The following NRL variants were observed in gnomAD, a reference collection of about 807,000 sequenced individuals.
NRL encodes the protein neural retina leucine zipper, also known as neural retina-specific leucine zipper protein.
In NRL, 16 loss-of-function variants were observed where a neutral mutation model predicts 12.5. That is an observed-to-expected ratio of 1.28 (90% CI 0.87 to 1.95). The LOEUF (loss-of-function observed/expected upper bound fraction) is 1.95. NRL is among the 30% of genes most tolerant of loss of function. NRL has a pLI of 0.00. For missense variants in NRL, 314 were observed against 325.8 expected, an observed-to-expected ratio of 0.96 and a Z score of 0.28; for synonymous variants, 142 against 150.9, an observed-to-expected ratio of 0.94 and a Z score of 0.43.
In NRL at chr14:24,100,245, T is replaced by C. The variant is rs746654463; in HGVS notation, c.-28+14477A>G. 46 of 1,611,586 alleles carry C rather than the reference T, an allele frequency of 2.9e-5. 1 individual carries two copies. The South Asian group carries it at 4.7e-4, about 17-fold the overall frequency. On this transcript the variant is annotated intron_variant, in intron 1 of 2. Coordinates refer to ENST00000561028, the MANE Select transcript of NRL (RefSeq NM_001354768.3). ...GCGGTGGGGAAGGTGTGGCACAGCC[T>C]CCAGGCCTCAGCACCTTAATGGTGG...
Position 24,080,907 on chromosome 14 carries a change from C to G in NRL, c.*329G>C, listed in dbSNP as rs1343557422. 1 of 280,672 alleles carries G rather than the reference C, an allele frequency of 3.6e-6. No homozygotes were observed. Among genetic ancestry groups the G allele is most frequent in the Non-Finnish European group, 6.6e-6 (1 of 150,642 alleles). 17.4% of individuals were successfully genotyped at this position (280,672 alleles called of 1,614,324 possible). On this transcript the variant is annotated 3_prime_UTR_variant, in exon 3 of 3. Transcript: ENST00000561028. ...ATTAAAAACTAAACTGAGGTGGGAG[C>G]TGCAACCCTCCTCCACCTCCCATTC...
chr14:24,100,011 C>T, intron 1 of NRL: 3 of 1,614,200 alleles, frequency 1.9e-6, no homozygotes, highest in Non-Finnish European at 2.5e-6. Flanking sequence ...TCCGGGCCAT[C>T]AACCCTGAGA....
intron 1 of NRL, among the ~76,000 whole-genome samples, chr14:24,091,145 G>C (rs1345982445): frequency 6.6e-6 from 1 of 151,730 alleles, no homozygotes; most frequent in Non-Finnish European, 1.5e-5. Flanking sequence ...GTGTGTGTGT[G>C]TGTGTGTGTG....
intron 1 of NRL, among the ~76,000 whole-genome samples, chr14:24,107,876 A>AT (rs1329325196): frequency 1.3e-5 from 2 of 152,190 alleles, no homozygotes; most frequent in Non-Finnish European, 2.9e-5. Flanking sequence ...TTAATTCTTT[A>AT]TCTTTATTTA....
At chr14:24,099,596 T>C (rs900424272) in intron 1 of NRL, 2 of 1,611,084 alleles carry the variant, frequency 1.2e-6, no homozygotes, top group African/African-American at 2.7e-5. Flanking sequence ...AGAAGCGCTA[T>C]GTGGCAGCCG....
Position 24,099,050 on chromosome 14 carries a change from GGAGCCAGT to G in NRL, c.-28+15664_-28+15671del, listed in dbSNP as rs1157714162. Reference sequence around the variant, plus strand: ...GCCCCATGACCCCATTGTCCCCAGGGGAGCCAGTGAGCCAGTGGCCGTGCAACCCAGAG... The same window carrying G: ...GCCCCATGACCCCATTGTCCCCAGGGGAGCCAGTGGCCGTGCAACCCAGAG... On this transcript the variant is annotated intron_variant, in intron 1 of 2. Coordinates refer to ENST00000561028, the MANE Select transcript of NRL (RefSeq NM_001354768.3). 6.3e-7 allele frequency: 1 copy of G among 1,599,014 alleles called. No homozygotes were observed. The highest frequency in any genetic ancestry group is 8.6e-7 in the Non-Finnish European group (1 of 1,168,832).
chr14:24,101,647 G>A (rs1293225175), intron 1 of NRL, among the ~76,000 whole-genome samples: 1 of 152,200 alleles, frequency 6.6e-6, no homozygotes, highest in Non-Finnish European at 1.5e-5. Flanking sequence ...TCCTTGCAGG[G>A]CACAGTGACT....
Position 24,094,096 on chromosome 14 carries a change from G to T in NRL, c.-27-11221C>A, listed in dbSNP as rs374004093. ...GGGGGGCGGGGCCTCGAAGTCGGGG[G>T]CCGAAGAGTGGACCCAGTCCTCCAA... On this transcript the variant is annotated intron_variant, in intron 1 of 2. Transcript: ENST00000561028. The surrounding 1 kb of genome is among the most constrained non-coding windows in gnomAD (Gnocchi z 4.1). 16 of 535,060 alleles carry T rather than the reference G, an allele frequency of 3.0e-5. 1 individual carries two copies. The highest frequency in any genetic ancestry group is 2.4e-4 in the African/African-American group (12 of 49,524). The allele number at this position is 535,060 out of a possible 1,614,324, so 33.1% of individuals were successfully genotyped here. A position where few individuals can be genotyped will look rare whatever the true frequency, so the allele number is the denominator to read the frequency against.
At position 24,085,167 on chromosome 14, in the gene NRL, A is replaced by C. The variant is rs1306764250; in HGVS notation, c.-27-2292T>G. Among the ~76,000 whole-genome samples, 1 of 152,190 alleles carries C rather than the reference A, an allele frequency of 6.6e-6. No individual in the cohort carries two copies. Among genetic ancestry groups the C allele is most frequent in the Admixed American group, 6.5e-5 (1 of 15,282 alleles). Reference sequence around the variant, plus strand: ...TCATAGCCGTCGCATCAGAAAGGAAAGCAACTTTTCCCACAGGGGATCTCC... The same window carrying C: ...TCATAGCCGTCGCATCAGAAAGGAACGCAACTTTTCCCACAGGGGATCTCC... On this transcript the variant is annotated intron_variant, in intron 1 of 2. Transcript: ENST00000561028. This position sits in a 1 kb window ranked among gnomAD's most constrained non-coding sequence, Gnocchi z 4.1.
chr14:24,103,529 C>T, intron 1 of NRL: 3 of 1,557,860 alleles, frequency 1.9e-6, no homozygotes, highest in Non-Finnish European at 2.6e-6. Context: ...TCATGCACGA[C>T]CCATTTGCCA....
chr14:24,099,046 C>A, intron 1 of NRL: 1 of 1,597,868 alleles, frequency 6.3e-7, no homozygotes, highest in Non-Finnish European at 8.6e-7. Flanking sequence ...CCATTGTCCC[C>A]AGGGGAGCCA....
At position 24,094,077 on chromosome 14, in the gene NRL, C is replaced by T. The variant is rs900131080; in HGVS notation, c.-27-11202G>A. ...TGGGAGGGCGGTGGCGGATGGGGGG[C>T]GGGGCCTCGAAGTCGGGGGCCGAAG... On this transcript the variant is annotated intron_variant, in intron 1 of 2. Transcript: ENST00000561028. This position sits in a 1 kb window ranked among gnomAD's most constrained non-coding sequence, Gnocchi z 4.1. 4 of 534,206 alleles carry T rather than the reference C, an allele frequency of 7.5e-6. No homozygotes were observed. The African/African-American group carries it at 8.1e-5, about 11-fold the overall frequency. 33.1% of individuals were successfully genotyped at this position (534,206 alleles called of 1,614,324 possible).
Position 24,095,896 on chromosome 14 carries a change from G to C in NRL, c.-27-13021C>G, listed in dbSNP as rs577074694. On this transcript the variant is annotated intron_variant, in intron 1 of 2. Transcript: ENST00000561028. ...CCGCAGAGTTCAGAAATACTTACCC[G>C]AGGGCAACATTTTATGCAACCATTG... Among the ~76,000 whole-genome samples the C allele has an allele frequency of 9.7e-4, 147 of 152,250 alleles. 3 individuals are homozygous for C. Among genetic ancestry groups the C allele is most frequent in the South Asian group, 1.9e-3 (9 of 4,822 alleles).
At chr14:24,099,394 T>C in intron 1 of NRL, 1 of 1,003,278 alleles carries the variant, frequency 1.0e-6, no homozygotes, top group South Asian at 1.6e-5. Flanking sequence ...CTGCTGAATG[T>C]TGAGGTTTCC....
At chr14:24,083,573 T>C (rs1290257856) in intron 1 of NRL, among the ~76,000 whole-genome samples, 2 of 152,210 alleles carry the variant, frequency 1.3e-5, no homozygotes, top group Non-Finnish European at 1.5e-5. Flanking sequence ...CCAAGATTGA[T>C]TTTCCTTCTA....
Position 24,114,815 on chromosome 14 carries a change from A to C in NRL, c.-121T>G. On this transcript the variant is annotated 5_prime_UTR_variant, in exon 1 of 3. Coordinates refer to ENST00000561028, the MANE Select transcript of NRL (RefSeq NM_001354768.3). ...AGCCCGCCGGCCAGGAAGCCGCGAG[A>C]TGCGTGACGAGCGAAGCGCGTGACG... The C allele has an allele frequency of 2.0e-6, 2 of 985,936 alleles. No homozygotes were observed. The highest frequency in any genetic ancestry group is 2.4e-6 in the Non-Finnish European group (2 of 829,944). 61.1% of individuals were successfully genotyped at this position (985,936 alleles called of 1,614,324 possible).
intron 2 of NRL, chr14:24,082,043 C>T: frequency 8.3e-7 from 1 of 1,204,378 alleles, no homozygotes; most frequent in South Asian, 1.7e-5. Context: ...TAGGATGAGT[C>T]CCAATCCTTC....
In NRL at chr14:24,103,872, C is replaced by T. The variant is rs757554278; in HGVS notation, c.-28+10850G>A. On this transcript the variant is annotated intron_variant, in intron 1 of 2. Coordinates refer to ENST00000561028, the MANE Select transcript of NRL (RefSeq NM_001354768.3). ...CTGGGAACAGGAGGTTCGTGACATT[C>T]GGAGCTACCTGACAGAGCAGGTCAA... 64 of 1,614,122 alleles carry T rather than the reference C, an allele frequency of 4.0e-5. No homozygotes were observed. The Middle Eastern group carries it at 8.2e-4, about 21-fold the overall frequency.
chr14:24,100,414 T>C, intron 1 of NRL: 5 of 1,201,656 alleles, frequency 4.2e-6, no homozygotes, highest in South Asian at 3.4e-5. Context: ...TCTGGCTAAG[T>C]TGCTCAACTT....
Sources: gnomAD v4.1 joint callset for allele counts (sites outside exome capture counted in the v4.1 genomes callset) on GRCh38, gnomAD v4.1.1 for gene constraint, Gnocchi (gnomAD v3.1) non-coding constraint, MANE v1.5 for transcripts, NCBI Gene and HGNC (gene_info 2026-07-23, HGNC 2026-07-21) for gene names.